Variants in SRGAP2 observed in about 807,000 individuals in gnomAD.
SRGAP2 encodes the protein SLIT-ROBO Rho GTPase activating protein 2, also known as SLIT-ROBO Rho GTPase-activating protein 2.
A neutral mutation model predicts 57.2 loss-of-function variants in SRGAP2; 15 were observed. The observed-to-expected ratio is 0.26, with a 90% CI of 0.18 to 0.40. The LOEUF (loss-of-function observed/expected upper bound fraction) is 0.40, where lower values mean the gene tolerates loss of function less well. SRGAP2 is among the 10% of genes least tolerant of loss of function. SRGAP2 has a pLI of 1.00. For missense variants in SRGAP2, 520 were observed against 669.6 expected (o/e 0.78, Z 2.47); for synonymous variants, 249 against 248.0 (o/e 1.00, Z -0.04).
At chr1:206,457,739 T>C (rs1663954576) in intron 21 of SRGAP2, among the ~76,000 whole-genome samples, 2 of 152,184 alleles carry the variant, frequency 1.3e-5, no homozygotes, top group African/African-American at 4.8e-5. Context: ...CAGCTCCTTA[T>C]CTTCAGAGTC....
intron 2 of SRGAP2, among the ~76,000 whole-genome samples, chr1:206,249,792 C>T (rs1176715052): frequency 9.9e-5 from 15 of 151,654 alleles, no homozygotes; most frequent in African/African-American, 3.4e-4. Flanking sequence ...ACCCTCTAGG[C>T]TACTCTGCAT....
At chr1:206,346,761 T>C (rs1279672546) in intron 4 of SRGAP2, among the ~76,000 whole-genome samples, 1 of 152,232 alleles carries the variant, frequency 6.6e-6, no homozygotes, top group Non-Finnish European at 1.5e-5. Context: ...CTTTTTTTAA[T>C]CTATAAAACT....
intron 12 of SRGAP2, among the ~76,000 whole-genome samples, chr1:206,419,929 G>A (rs1553363755): frequency 6.6e-6 from 1 of 151,816 alleles, no homozygotes; most frequent in East Asian, 1.9e-4. Context: ...ATATTTGCCT[G>A]ATGTACAAGT....
rs568946353 is a variant in SRGAP2, at chr1:206,254,509, A to G, written c.67+48472A>G. Among the ~76,000 whole-genome samples, 971 of 143,014 alleles carry G rather than the reference A, an allele frequency of 6.8e-3. 12 individuals are homozygous for G. The highest frequency in any genetic ancestry group is 0.025 in the African/African-American group (936 of 37,700). The allele number at this position is 143,014 out of a possible 152,430, so 93.8% of individuals were successfully genotyped here. ...TGCATTTGAGCCCATTGTAGTCACT[A>G]TTAATTGTTTTAGATGCTCATATTG... On this transcript the variant is annotated intron_variant, in intron 2 of 22. Coordinates refer to ENST00000573034, the MANE Select transcript of SRGAP2 (RefSeq NM_015326.5).
At chr1:206,244,588 CCAACA>C (rs1292925568) in intron 2 of SRGAP2, among the ~76,000 whole-genome samples, 5 of 147,510 alleles carry the variant, frequency 3.4e-5, no homozygotes, top group African/African-American at 5.1e-5. Context: ...TAATTAGAAC[CCAACA>C]CGAGATGGTA....
intron 7 of SRGAP2, among the ~76,000 whole-genome samples, chr1:206,396,669 A>G (rs1262482570): frequency 4.3e-5 from 5 of 116,114 alleles, no homozygotes; most frequent in Non-Finnish European, 8.5e-5. Context: ...GGAGTGTGTG[A>G]CAATAGAAGA....
intron 13 of SRGAP2, among the ~76,000 whole-genome samples, chr1:206,426,002 A>C (rs1660768379): frequency 6.6e-6 from 1 of 151,884 alleles, no homozygotes; most frequent in African/African-American, 2.4e-5. Flanking sequence ...ATCTGCTGCC[A>C]TGCCCAGCTA....
intron 2 of SRGAP2, among the ~76,000 whole-genome samples, chr1:206,268,233 A>T (rs1172848097): frequency 7.1e-5 from 3 of 42,438 alleles, no homozygotes; most frequent in Non-Finnish European, 9.4e-5. Context: ...TATCCCTCCC[A>T]CCTCCCCCCA....
At chr1:206,295,909 T>C (rs1363398957) in intron 2 of SRGAP2, among the ~76,000 whole-genome samples, 2 of 151,896 alleles carry the variant, frequency 1.3e-5, no homozygotes, top group African/African-American at 4.8e-5. Context: ...TTTTATTTAT[T>C]TTATTTTTTT....
At chr1:206,428,373 C>T (rs1430240219) in intron 13 of SRGAP2, among the ~76,000 whole-genome samples, 3 of 147,838 alleles carry the variant, frequency 2.0e-5, no homozygotes, top group African/African-American at 7.6e-5. Context: ...CCTGAGATCG[C>T]ACCACTGCAC....
At chr1:206,353,024 CTTTGGTTT>C (rs1362940535) in intron 4 of SRGAP2, among the ~76,000 whole-genome samples, 1 of 151,796 alleles carries the variant, frequency 6.6e-6, no homozygotes, top group Non-Finnish European at 1.5e-5. Context: ...TATTCATTAT[CTTTGGTTT>C]TTAGTTCTTT....
intron 3 of SRGAP2, among the ~76,000 whole-genome samples, chr1:206,307,917 T>G (rs1571811371): frequency 6.6e-6 from 1 of 151,338 alleles, no homozygotes; most frequent in Non-Finnish European, 1.5e-5. Context: ...CAGGGGGGGG[T>G]GCTGAAGGGC....
At chr1:206,247,470 G>T (rs1185321266) in intron 2 of SRGAP2, among the ~76,000 whole-genome samples, 24 of 151,884 alleles carry the variant, frequency 1.6e-4, no homozygotes, top group Admixed American at 1.6e-3. Context: ...CCTCCATACT[G>T]TGGGGGTGTT....
rs782659466 is a variant in SRGAP2 at position 206,438,078 on chromosome 1, A to G, written c.1748A>G (p.His583Arg). The G allele has an allele frequency of 1.3e-5, 10 of 780,794 alleles. 1 individual carries two copies. The South Asian group carries it at 1.3e-4, about 10-fold the overall frequency. The allele number at this position is 780,794 out of a possible 1,614,324, so 48.4% of individuals were successfully genotyped here. ...EHPLFPKDIFHDLMACVTMDN... is the reference protein window; with the variant it reads ...EHPLFPKDIFRDLMACVTMDN... ...CCTCTCTTCCCCAAGGACATCTTTCATGACCTGATGGCCTGCGTCAGTAAG... is the reference window on the plus strand; with the variant it reads ...CCTCTCTTCCCCAAGGACATCTTTCGTGACCTGATGGCCTGCGTCAGTAAG... The change falls in exon 16 of 23, where the codon CAT (histidine) becomes CGT (arginine). Residue 583 changes from histidine to arginine, a missense_variant. Coordinates refer to ENST00000573034, the MANE Select transcript of SRGAP2 (RefSeq NM_015326.5).
chr1:206,429,259 C>T (rs1661079747), intron 13 of SRGAP2, among the ~76,000 whole-genome samples: 1 of 152,204 alleles, frequency 6.6e-6, no homozygotes, highest in Non-Finnish European at 1.5e-5. Flanking sequence ...TGTTAGTCCC[C>T]ACTATTTAGA....
intron 2 of SRGAP2, among the ~76,000 whole-genome samples, chr1:206,234,608 C>T (rs1415693491): frequency 6.6e-6 from 1 of 152,220 alleles, no homozygotes; most frequent in Admixed American, 6.5e-5. Flanking sequence ...ACCTGAATCC[C>T]CATGTGACAG....
chr1:206,413,365 G>GC (rs1483455618), intron 10 of SRGAP2, among the ~76,000 whole-genome samples: 1 of 152,190 alleles, frequency 6.6e-6, no homozygotes, highest in Admixed American at 6.5e-5. Context: ...CCACAATTAG[G>GC]CATTGGTTGG....
intron 13 of SRGAP2, among the ~76,000 whole-genome samples, chr1:206,427,122 T>C (rs1437045988): frequency 9.9e-5 from 15 of 152,174 alleles, no homozygotes; most frequent in African/African-American, 3.1e-4. Context: ...AAGTCTTTAA[T>C]CCATTTTGAT....
chr1:206,451,115 TAAAA>T (rs67862340), intron 19 of SRGAP2, among the ~76,000 whole-genome samples: 1 of 69,242 alleles, frequency 1.4e-5, no homozygotes. Flanking sequence ...AGACCCTGTC[TAAAA>T]AAAAAAAAAA....
Sources: allele counts gnomAD v4.1 joint callset (sites outside exome capture counted in the v4.1 genomes callset), GRCh38; gene constraint gnomAD v4.1.1; transcripts MANE v1.5; gene names NCBI Gene and HGNC (gene_info 2026-07-23, HGNC 2026-07-21).